The following VPS13D variants were observed in gnomAD, a reference collection of about 807,000 sequenced individuals.
VPS13D encodes vacuolar protein sorting 13 homolog D, also known as intermembrane lipid transfer protein VPS13D.
In VPS13D, 187 loss-of-function variants were observed where a neutral mutation model predicts 461.9. That is an observed-to-expected ratio of 0.40 (90% CI 0.36 to 0.46). VPS13D has a LOEUF of 0.46. VPS13D is among the 20% of genes least tolerant of loss of function. The pLI is 0.60. For missense variants in VPS13D, 4,711 were observed against 5,364.9 expected, an observed-to-expected ratio of 0.88 and a Z score of 3.81; for synonymous variants, 1,951 against 1,986.3, an observed-to-expected ratio of 0.98 and a Z score of 0.47.
intron 26 of VPS13D, among the ~76,000 whole-genome samples, chr1:12,307,947 T>A (rs986480197): frequency 2.6e-5 from 4 of 151,710 alleles, no homozygotes; most frequent in African/African-American, 9.7e-5. Context: ...TGGAGGAGAG[T>A]TCTTTTTGGT....
Position 12,508,920 on chromosome 1 carries a change from G to A in VPS13D, c.13063G>A (p.Val4355Ile), listed in dbSNP as rs772194714. Residue 4355 changes from valine to isoleucine, a missense_variant, in exon 70 of 70, where the codon GTC (valine) becomes ATC (isoleucine). Transcript: ENST00000620676. ...MVHVKSEVLAVKLSQEINYAK... is the reference protein window; with the variant it reads ...MVHVKSEVLAIKLSQEINYAK... Reference sequence around the variant, plus strand: ...CCATGTGAAATCTGAGGTCCTTGCTGTCAAGTTGTCACAAGAAATAAACTA... The same window carrying A: ...CCATGTGAAATCTGAGGTCCTTGCTATCAAGTTGTCACAAGAAATAAACTA... 1.2e-6 allele frequency: 2 copies of A among 1,614,142 alleles called. No homozygotes were observed. Among genetic ancestry groups the A allele is most frequent in the Non-Finnish European group, 1.7e-6 (2 of 1,180,016 alleles).
At chr1:12,314,047 C>CTTATA in intron 29 of VPS13D, 68 bp from the exon 30 acceptor site, 1 of 1,434,956 alleles carries the variant, frequency 7.0e-7, no homozygotes, top group East Asian at 2.3e-5. Flanking sequence ...TTATCTCGAA[C>CTTATA]TTATATACTT....
chr1:12,321,247 T>G (rs1643027152), intron 32 of VPS13D, among the ~76,000 whole-genome samples: 1 of 152,196 alleles, frequency 6.6e-6, no homozygotes, highest in Middle Eastern at 3.2e-3. Flanking sequence ...TTTAATAATA[T>G]GTTTATTTTT....
intron 44 of VPS13D, among the ~76,000 whole-genome samples, chr1:12,347,106 A>T (rs2101586066): frequency 6.6e-6 from 1 of 152,270 alleles, no homozygotes; most frequent in African/African-American, 2.4e-5. Flanking sequence ...CTCCCTGATG[A>T]TTGTAGGTTT....
chr1:12,486,892 G>A (rs1246588817), intron 67 of VPS13D, among the ~76,000 whole-genome samples: 1 of 152,106 alleles, frequency 6.6e-6, no homozygotes, highest in African/African-American at 2.4e-5. Flanking sequence ...CGTTCTGAGC[G>A]CTGAGGTGCG....
At chr1:12,508,855 T>C (rs2100572113) in intron 69 of VPS13D, 38 bp from the exon 70 acceptor site, 1 of 1,604,858 alleles carries the variant, frequency 6.2e-7, no homozygotes, top group Middle Eastern at 1.7e-4. Context: ...GATTTCCCCA[T>C]CCTGGGGACA....
chr1:12,325,695 G>GT (rs1643163447), intron 35 of VPS13D, among the ~76,000 whole-genome samples: 1 of 152,058 alleles, frequency 6.6e-6, no homozygotes, highest in African/African-American at 2.4e-5. Context: ...AATTATGATT[G>GT]TAATTCTGTT....
In VPS13D at chr1:12,261,027, A is replaced by G. The variant is rs557581730; in HGVS notation, c.1292A>G (p.Gln431Arg). The G allele has an allele frequency of 6.2e-6, 10 of 1,614,088 alleles. No individual in the cohort carries two copies. In the South Asian group the frequency reaches 8.8e-5, roughly 14 times the overall value. Residue 431 changes from glutamine to arginine, a missense_variant, in exon 12 of 70, where the codon CAG becomes CGG. By Grantham distance (43) the Gln-to-Arg change is conservative. Around this residue, in one of 3 missense-constraint regions of VPS13D, gnomAD observed 4,411 missense variants for 4,937.8 expected, o/e 0.89. Coordinates refer to ENST00000620676, the MANE Select transcript of VPS13D (RefSeq NM_015378.4). ...PEPGGGSGMLQYLQSWFPGWG... is the reference protein window; with the variant it reads ...PEPGGGSGMLRYLQSWFPGWG... ...CCCGGTGGAGGCAGTGGGATGCTGC[A>G]GTATCTCCAGTCCTGGTTTCCTGGA... is the stretch of plus-strand genomic sequence containing the variant.
At position 12,276,980 on chromosome 1, in the gene VPS13D, C is replaced by T; in HGVS notation, c.3392C>T (p.Pro1131Leu). Residue 1131 changes from proline to leucine, a missense_variant, in exon 19 of 70, where the codon CCC becomes CTC. This residue lies in a region of VPS13D where 4,411 missense variants were observed against 4,937.8 expected (regional missense o/e 0.89). Transcript: ENST00000620676. This position sits in a 1 kb window ranked among gnomAD's most constrained non-coding sequence, Gnocchi z 4.5. ...ATTGGTTTTCTTCAAAAATCCTTTC[C>T]CAAGGAAAAAGATGATTTAAGTCCT... ...ELIGFLQKSFPKEKDDLSPQP... is the reference protein window; with the variant it reads ...ELIGFLQKSFLKEKDDLSPQP... 1 of 1,614,002 alleles carries T rather than the reference C, an allele frequency of 6.2e-7. No individual in the cohort carries two copies. Among genetic ancestry groups the T allele is most frequent in the Non-Finnish European group, 8.5e-7 (1 of 1,179,992 alleles).
chr1:12,405,648 C>A (rs1005629300), intron 63 of VPS13D, among the ~76,000 whole-genome samples: 5 of 152,156 alleles, frequency 3.3e-5, no homozygotes, highest in Admixed American at 2.6e-4. Context: ...ATTAAAGATA[C>A]TTATAGTTAG....
At position 12,282,893 on chromosome 1, in the gene VPS13D, C is replaced by A; in HGVS notation, c.4791C>A (p.Ser1597=). The A allele has an allele frequency of 6.2e-7, 1 of 1,614,182 alleles. No individual in the cohort carries two copies. The highest frequency in any genetic ancestry group is 8.5e-7 in the Non-Finnish European group (1 of 1,180,026). Residue 1597 remains serine (S), a synonymous_variant, in exon 21 of 70, where the codon TCC becomes TCA. Transcript: ENST00000620676. ...ERKENGLFSH[S]SLSNTSQKSL... ...AGGAGAATGGATTGTTCAGCCACTC[C>A]AGCCTTTCTAACACCTCTCAGAAGT...
chr1:12,238,913 A>G (rs1305525846), intron 2 of VPS13D, among the ~76,000 whole-genome samples: 2 of 151,940 alleles, frequency 1.3e-5, no homozygotes, highest in Admixed American at 6.6e-5. Context: ...GATTATGGGC[A>G]TGAGCCACCA....
At chr1:12,258,963 A>G (rs977862730) in intron 10 of VPS13D, among the ~76,000 whole-genome samples, 1 of 152,156 alleles carries the variant, frequency 6.6e-6, no homozygotes, top group African/African-American at 2.4e-5. Context: ...AGTGTCAGAC[A>G]TGGTTACTGA....
chr1:12,271,324 G>T (rs1371954407), intron 17 of VPS13D, among the ~76,000 whole-genome samples, 200 bp downstream of exon 17: 1 of 152,176 alleles, frequency 6.6e-6, no homozygotes, highest in Non-Finnish European at 1.5e-5. Flanking sequence ...TAAAATGAAT[G>T]ACTGTGACTA....
intron 52 of VPS13D, among the ~76,000 whole-genome samples, chr1:12,364,629 A>G (rs965243520): frequency 1.3e-5 from 2 of 151,986 alleles, no homozygotes; most frequent in Non-Finnish European, 2.9e-5. Context: ...TTTCTCCACA[A>G]CCTCACCAAC....
rs56154948 is a variant in VPS13D at position 12,465,656 on chromosome 1, C to T, written c.12662+5260C>T. On this transcript the variant is annotated intron_variant, in intron 67 of 69. Coordinates refer to ENST00000620676, the MANE Select transcript of VPS13D (RefSeq NM_015378.4). Reference sequence around the variant, plus strand: ...AGTAAAAATAGCCCCAAAACACCACCCAAAATCTGTTAAGACACTTCTCGT... The same window carrying T: ...AGTAAAAATAGCCCCAAAACACCACTCAAAATCTGTTAAGACACTTCTCGT... Among the ~76,000 whole-genome samples the T allele has an allele frequency of 1.8e-3, 271 of 152,288 alleles. 1 individual carries two copies. The highest frequency in any genetic ancestry group is 6.0e-3 in the African/African-American group (250 of 41,554).
At chr1:12,247,703 ATTTT>A (rs778720883) in intron 5 of VPS13D, among the ~76,000 whole-genome samples, 1 of 131,320 alleles carries the variant, frequency 7.6e-6, no homozygotes, top group African/African-American at 2.8e-5. Context: ...CTTTGCCACA[ATTTT>A]TTTTTTTTTT....
chr1:12,487,640 A>G (rs1645815955), intron 67 of VPS13D, among the ~76,000 whole-genome samples: 1 of 151,454 alleles, frequency 6.6e-6, no homozygotes, highest in Non-Finnish European at 1.5e-5. Flanking sequence ...ACAAATCACA[A>G]AGCAGGTCCC....
intron 52 of VPS13D, among the ~76,000 whole-genome samples, chr1:12,363,964 A>C (rs1371185779): frequency 1.3e-5 from 2 of 150,664 alleles, no homozygotes; most frequent in Admixed American, 1.3e-4. Flanking sequence ...AAAAAAAAAA[A>C]AAAAAAAAAA....
Sources: allele counts gnomAD v4.1 joint callset (sites outside exome capture counted in the v4.1 genomes callset), GRCh38; gene constraint gnomAD v4.1.1; regional missense constraint gnomAD v4.1.1; non-coding constraint Gnocchi (gnomAD v3.1); transcripts MANE v1.5; gene names NCBI Gene and HGNC (gene_info 2026-07-23, HGNC 2026-07-21).